The following NCAPG2 variants were observed in gnomAD, a reference collection of about 807,000 sequenced individuals.
NCAPG2 encodes the protein non-SMC condensin II complex subunit G2.
In NCAPG2, 53 loss-of-function variants were observed where a neutral mutation model predicts 141.1. That is an observed-to-expected ratio of 0.38 (90% CI 0.30 to 0.47). NCAPG2 has a LOEUF of 0.47. NCAPG2 is among the 20% of genes least tolerant of loss of function. NCAPG2 has a pLI of 0.99. For missense variants in NCAPG2, 1,087 were observed against 1,389.0 expected (o/e 0.78, Z 3.46); for synonymous variants, 499 against 490.7 (o/e 1.02, Z -0.22).
intron 17 of NCAPG2, 116 bp downstream of exon 17, chr7:158,658,222 G>T (rs1050425935): frequency 1.1e-5 from 9 of 830,862 alleles, no homozygotes; most frequent in Non-Finnish European, 1.6e-5. Flanking sequence ...GCAGAAGGAA[G>T]AGGCCACAGT....
chr7:158,641,500 G>C, intron 27 of NCAPG2: 1 of 684,676 alleles, frequency 1.5e-6, no homozygotes, highest in Non-Finnish European at 2.6e-6. Flanking sequence ...GATAGATTGA[G>C]TCCAGGAGTC....
At chr7:158,660,418 TTTTTTTTTTTTA>T (rs1450641089) in intron 16 of NCAPG2, among the ~76,000 whole-genome samples, 1,290 of 98,340 alleles carry the variant, frequency 0.013, 53 homozygotes, top group African/African-American at 0.044. Context: ...TTTTTTTTTT[TTTTTTTTTTTTA>T]AAAGAGGCAG....
In NCAPG2 at chr7:158,687,406, T is replaced by C. The variant is rs368842415; in HGVS notation, c.709A>G (p.Ile237Val). 2.5e-5 allele frequency: 41 copies of C among 1,611,056 alleles called. 1 individual carries two copies. Among genetic ancestry groups the C allele is most frequent in the Non-Finnish European group, 3.1e-5 (37 of 1,178,592 alleles). The change falls in exon 7 of 28, where the codon ATC becomes GTC. Residue 237 changes from isoleucine (I) to valine (V), a missense_variant. By Grantham distance (29) the Ile-to-Val change is conservative (BLOSUM62 3). Coordinates refer to ENST00000356309, the MANE Select transcript of NCAPG2 (RefSeq NM_017760.7). Reference protein sequence around the residue: ...RFLSCLFNWNINFIKMIHGTI... With the variant: ...RFLSCLFNWNVNFIKMIHGTI... Reference sequence around the variant, plus strand: ...CCGTGGATCATTTTGATGAAGTTGATATTCCAGTTGAAGAGACAACTAAGA... The same window carrying C: ...CCGTGGATCATTTTGATGAAGTTGACATTCCAGTTGAAGAGACAACTAAGA...
intron 15 of NCAPG2, among the ~76,000 whole-genome samples, chr7:158,663,135 G>C (rs1165992750): frequency 6.6e-6 from 1 of 152,206 alleles, no homozygotes; most frequent in Non-Finnish European, 1.5e-5. Context: ...CACCAGCACA[G>C]ACACACAGCC....
intron 17 of NCAPG2, among the ~76,000 whole-genome samples, chr7:158,657,529 G>A (rs1020291024): frequency 2.7e-5 from 4 of 148,774 alleles, no homozygotes; most frequent in South Asian, 4.2e-4. Context: ...TGAGGGAGGT[G>A]GGGGGGTCAG....
At chr7:158,693,864 CTTCTACTCA>C (rs747761058) in intron 2 of NCAPG2, among the ~76,000 whole-genome samples, 2 of 152,184 alleles carry the variant, frequency 1.3e-5, no homozygotes, top group African/African-American at 2.4e-5. Flanking sequence ...TCAACACCAC[CTTCTACTCA>C]TTCCTCAATA....
At chr7:158,643,364 A>T (rs563433222) in intron 27 of NCAPG2, among the ~76,000 whole-genome samples, 1 of 150,316 alleles carries the variant, frequency 6.7e-6, no homozygotes, top group Non-Finnish European at 1.5e-5. Context: ...TATAGGCATG[A>T]GTCACCGTGC....
chr7:158,637,008 T>C lies in NCAPG2; in HGVS notation c.3381-5291A>G, dbSNP rs534941383. On this transcript the variant is annotated intron_variant, in intron 27 of 27. Transcript: ENST00000356309. ...TGTCACCCAGGCTGGAATGCAGTGG[T>C]GTGATCTTGGCTCACTGCAAGTTCC... 1.9e-3 allele frequency among the ~76,000 whole-genome samples: 286 copies of C among 151,364 alleles called. 2 individuals are homozygous for C. The Middle Eastern group carries it at 0.02, about 11-fold the overall frequency.
Position 158,671,682 on chromosome 7 carries a change from A to G in NCAPG2, c.1327-16T>C, listed in dbSNP as rs751175707. On this transcript the variant is annotated splice_polypyrimidine_tract_variant and intron_variant, in intron 12 of 27. Transcript: ENST00000356309. ...TTGGCAGACACTGCAACAGAGAGAA[A>G]GATAAACAATTCAAAATCAGAACAT... is the stretch of plus-strand genomic sequence containing the variant. 1.2e-5 allele frequency: 20 copies of G among 1,610,964 alleles called. No individual in the cohort carries two copies. The highest frequency in any genetic ancestry group is 1.7e-6 in the Non-Finnish European group (2 of 1,178,620).
chr7:158,649,269 G>A (rs1831300299), intron 24 of NCAPG2, among the ~76,000 whole-genome samples: 1 of 152,176 alleles, frequency 6.6e-6, no homozygotes, highest in South Asian at 2.1e-4. Flanking sequence ...TATAAAATAA[G>A]TAGACAAAAT....
intron 16 of NCAPG2, among the ~76,000 whole-genome samples, chr7:158,658,886 G>A (rs1250148821): frequency 6.6e-6 from 1 of 152,128 alleles, no homozygotes; most frequent in Non-Finnish European, 1.5e-5. Context: ...TATAGTTCAA[G>A]GGAAAATGCA....
intron 22 of NCAPG2, 119 bp downstream of exon 22, chr7:158,654,476 G>T: frequency 1.0e-6 from 1 of 1,002,448 alleles, no homozygotes; most frequent in Non-Finnish European, 1.4e-6. Context: ...TTTGGGATAT[G>T]CCAGGTTGCA....
intron 27 of NCAPG2, among the ~76,000 whole-genome samples, chr7:158,642,853 A>G (rs1830740444): frequency 6.6e-6 from 1 of 152,216 alleles, no homozygotes; most frequent in Non-Finnish European, 1.5e-5. Flanking sequence ...AATATCAGTA[A>G]AAATTGATAA....
intron 13 of NCAPG2, among the ~76,000 whole-genome samples, chr7:158,667,578 T>C (rs1021640006): frequency 1.3e-3 from 11 of 8,570 alleles, no homozygotes; most frequent in Non-Finnish European, 1.4e-3. Context: ...CCCTCCGCCC[T>C]CCCTTACCCA....
Position 158,664,196 on chromosome 7 carries a change from C to A in NCAPG2, c.1803G>T (p.Lys601Asn), listed in dbSNP as rs1307257728. The change falls in exon 15 of 28, where the codon AAG becomes AAT. Residue 601 changes from lysine to asparagine, a missense_variant. Lys to Asn is a moderately conservative substitution (Grantham distance 94). Coordinates refer to ENST00000356309, the MANE Select transcript of NCAPG2 (RefSeq NM_017760.7). Reference protein sequence around the residue: ...EDEEEEDGREKENVTVLDKTL... With the variant: ...EDEEEEDGRENENVTVLDKTL... The stretch of plus-strand genomic sequence containing the variant: ...CTGTTCTACTCACAGTCACATTCTC[C>A]TTCTCCCTTCCGTCCTCTTCCTCCT... 1 of 1,609,346 alleles carries A rather than the reference C, an allele frequency of 6.2e-7. No homozygotes were observed. The highest frequency in any genetic ancestry group is 1.1e-5 in the South Asian group (1 of 90,964).
chr7:158,688,186 A>AAC (rs11458049), intron 6 of NCAPG2, among the ~76,000 whole-genome samples: 46,756 of 151,656 alleles, frequency 0.31, 7,417 homozygotes, highest in East Asian at 0.4. Flanking sequence ...TTAAAAAAAA[A>AAC]AACAGTAATA....
intron 19 of NCAPG2, among the ~76,000 whole-genome samples, chr7:158,655,799 TA>T (rs1157512636): frequency 1.4e-3 from 2 of 1,472 alleles, no homozygotes; most frequent in African/African-American, 4.1e-3. Flanking sequence ...GAGGGCAGCG[TA>T]ACAGGGTGTT....
intron 11 of NCAPG2, among the ~76,000 whole-genome samples, chr7:158,678,189 G>A (rs73732808): frequency 0.016 from 2,406 of 151,902 alleles, 76 homozygotes; most frequent in African/African-American, 0.054. Context: ...AACAGTTAAG[G>A]TACACAGAGG....
intron 11 of NCAPG2, among the ~76,000 whole-genome samples, chr7:158,676,102 A>G (rs1834034344): frequency 6.6e-6 from 1 of 152,236 alleles, no homozygotes; most frequent in Non-Finnish European, 1.5e-5. Context: ...ACAGACAATG[A>G]GGCAATAAGT....
Sources: gnomAD v4.1 joint callset for allele counts (sites outside exome capture counted in the v4.1 genomes callset) on GRCh38, gnomAD v4.1.1 for gene constraint, MANE v1.5 for transcripts, NCBI Gene and HGNC (gene_info 2026-07-23, HGNC 2026-07-21) for gene names.